The following RAB10 variants were observed in gnomAD, a reference collection of about 807,000 sequenced individuals.
RAB10 encodes ras-related protein Rab-10.
RAB10 carries 5 observed loss-of-function variants against 25.7 expected under a neutral mutation model. The ratio of observed to expected loss-of-function variants is 0.19; its 90% CI spans 0.10 to 0.41. The LOEUF is 0.41. Ranked by LOEUF, RAB10 falls within the 10% of genes least tolerant of loss-of-function variation. The probability of loss-of-function intolerance (pLI) is 1.00; values close to 1 mark genes in which losing one functional copy is unlikely to be tolerated. For synonymous variants in RAB10, 89 were observed against 86.4 expected (o/e 1.03, Z -0.16); for missense variants, 103 against 245.8 (o/e 0.42, Z 3.89).
chr2:26,070,178 G>A (rs905569640), intron 1 of RAB10, among the ~76,000 whole-genome samples: 3 of 152,242 alleles, frequency 2.0e-5, no homozygotes, highest in Non-Finnish European at 4.4e-5. Flanking sequence ...ATCACAGGAT[G>A]TGGCCTTCTT....
chr2:26,093,807 A>C (rs1667156542), intron 1 of RAB10, among the ~76,000 whole-genome samples: 1 of 152,234 alleles, frequency 6.6e-6, no homozygotes, highest in Non-Finnish European at 1.5e-5. Context: ...ATTTTCAAAA[A>C]CTTACCCTGG....
chr2:26,033,630 A>G (rs1010533006), upstream of RAB10, among the ~76,000 whole-genome samples: 1 of 152,244 alleles, frequency 6.6e-6, no homozygotes, highest in Non-Finnish European at 1.5e-5. Context: ...ACGGGAACAC[A>G]TGGCCACCCA....
At chr2:26,081,472 G>A (rs1666868251) in intron 1 of RAB10, among the ~76,000 whole-genome samples, 1 of 152,124 alleles carries the variant, frequency 6.6e-6, no homozygotes, top group Admixed American at 6.5e-5. Context: ...AAAGACTGAG[G>A]GACTGTCTTA....
intron 3 of RAB10, among the ~76,000 whole-genome samples, chr2:26,120,353 C>T (rs1483434241): frequency 6.6e-6 from 1 of 152,168 alleles, no homozygotes; most frequent in Admixed American, 6.5e-5. Flanking sequence ...GAATGATGTA[C>T]TTATACAACT....
chr2:26,066,054 A>G (rs1666505987), intron 1 of RAB10, among the ~76,000 whole-genome samples: 1 of 152,234 alleles, frequency 6.6e-6, no homozygotes, highest in African/African-American at 2.4e-5. Flanking sequence ...ACACAGTAAT[A>G]TGAGATGTTT....
At chr2:26,083,876 T>C (rs1666922182) in intron 1 of RAB10, among the ~76,000 whole-genome samples, 1 of 152,178 alleles carries the variant, frequency 6.6e-6, no homozygotes, top group South Asian at 2.1e-4. Flanking sequence ...TGTAAAAATA[T>C]ATTATTTACA....
chr2:26,103,993 G>A (rs751247673), intron 2 of RAB10, among the ~76,000 whole-genome samples: 1 of 151,986 alleles, frequency 6.6e-6, no homozygotes, highest in Non-Finnish European at 1.5e-5. Flanking sequence ...ATTAGTAATG[G>A]ACCTTTCAGT....
intron 1 of RAB10, among the ~76,000 whole-genome samples, chr2:26,074,289 G>T (rs1666687286): frequency 6.6e-6 from 1 of 152,098 alleles, no homozygotes; most frequent in Non-Finnish European, 1.5e-5. Context: ...AATTAGAGAT[G>T]ACTTAAAATA....
At chr2:26,065,488 A>G (rs1666495437) in intron 1 of RAB10, among the ~76,000 whole-genome samples, 1 of 78,734 alleles carries the variant, frequency 1.3e-5, no homozygotes, top group African/African-American at 4.3e-5. Flanking sequence ...AAAGACTTCA[A>G]AACCTGAAGG....
chr2:26,087,446 A>G (rs1667011599), intron 1 of RAB10, among the ~76,000 whole-genome samples: 1 of 152,184 alleles, frequency 6.6e-6, no homozygotes, highest in Non-Finnish European at 1.5e-5. Context: ...CTCGTTGCCC[A>G]GGCTGGAGTG....
At chr2:26,120,880 G>T (rs984575157) in intron 3 of RAB10, among the ~76,000 whole-genome samples, 1 of 150,936 alleles carries the variant, frequency 6.6e-6, no homozygotes, top group Non-Finnish European at 1.5e-5. Context: ...ATGAGCCACC[G>T]CATCCAGCCA....
At chr2:26,070,968 A>G (rs912898349) in intron 1 of RAB10, among the ~76,000 whole-genome samples, 2 of 152,174 alleles carry the variant, frequency 1.3e-5, no homozygotes, top group Non-Finnish European at 2.9e-5. Flanking sequence ...TACAGAAGCA[A>G]TGGTATGTAA....
intron 1 of RAB10, among the ~76,000 whole-genome samples, chr2:26,064,749 A>C (rs1666478718): frequency 6.6e-6 from 1 of 152,222 alleles, no homozygotes; most frequent in South Asian, 2.1e-4. Context: ...TTCTCTTTCA[A>C]GAATGTTTCA....
At chr2:26,037,499 C>T (rs1220603999) in intron 1 of RAB10, among the ~76,000 whole-genome samples, 3 of 151,928 alleles carry the variant, frequency 2.0e-5, no homozygotes, top group Non-Finnish European at 4.4e-5. Flanking sequence ...ATTATCTGGG[C>T]GTGGTGGCGC....
chr2:26,134,990 G>T lies in RAB10; in HGVS notation c.572G>T (p.Gly191Val), dbSNP rs769944216. The stretch of plus-strand genomic sequence containing the variant: ...AATGTAGATATCAGCAGTGGAGGAG[G>T]CGTGACAGGCTGGAAGAGCAAATGC... Reference protein sequence around the residue: ...SENVDISSGGGVTGWKSKCC With the variant: ...SENVDISSGGVVTGWKSKCC Residue 191 changes from glycine (G) to valine (V), a missense_variant, in exon 6 of 6, where the codon GGC becomes GTC. Physicochemically the swap from Gly to Val is moderately radical, Grantham distance 109. Coordinates refer to ENST00000264710, the MANE Select transcript of RAB10 (RefSeq NM_016131.5). 6.2e-7 allele frequency: 1 copy of T among 1,613,868 alleles called. No individual in the cohort carries two copies. The highest frequency in any genetic ancestry group is 1.1e-5 in the South Asian group (1 of 91,058).
chr2:26,123,284 T>G (rs1667841932), intron 3 of RAB10, among the ~76,000 whole-genome samples: 1 of 152,100 alleles, frequency 6.6e-6, no homozygotes, highest in Admixed American at 6.6e-5. Flanking sequence ...ATTGAAGTGG[T>G]CTACTTGCCC....
At chr2:26,124,417 T>TTTTTTTTTTA (rs1667867053) in intron 3 of RAB10, among the ~76,000 whole-genome samples, 1 of 119,560 alleles carries the variant, frequency 8.4e-6, no homozygotes, top group African/African-American at 3.2e-5. Flanking sequence ...TTTTTTTTTT[T>TTTTTTTTTTA]GAGACAGGTT....
intron 3 of RAB10, among the ~76,000 whole-genome samples, chr2:26,114,829 G>T (rs1667647966): frequency 1.3e-5 from 2 of 151,866 alleles, no homozygotes; most frequent in Non-Finnish European, 2.9e-5. Flanking sequence ...TTGAGCCCAG[G>T]AGGTCGAGGC....
In RAB10 at chr2:26,042,953, C is replaced by T. The variant is rs530019222; in HGVS notation, c.127+8218C>T. Among the ~76,000 whole-genome samples the T allele has an allele frequency of 1.2e-4, 18 of 152,064 alleles. No homozygotes were observed. The South Asian group carries it at 2.5e-3, about 21-fold the overall frequency. On this transcript the variant is annotated intron_variant, in intron 1 of 5. Coordinates refer to ENST00000264710, the MANE Select transcript of RAB10 (RefSeq NM_016131.5). Reference sequence around the variant, plus strand: ...GGATAGTTATAACAACAACAACAAACGACAAAAGCAAGTGATGAGGTTGTA... The same window carrying T: ...GGATAGTTATAACAACAACAACAAATGACAAAAGCAAGTGATGAGGTTGTA...
Sources: allele counts gnomAD v4.1 joint callset (sites outside exome capture counted in the v4.1 genomes callset), GRCh38; gene constraint gnomAD v4.1.1; transcripts MANE v1.5; gene names NCBI Gene and HGNC (gene_info 2026-07-23, HGNC 2026-07-21).